TYW1: variants seen among roughly 807,000 people sequenced by gnomAD.
TYW1 encodes tRNA-yW synthesizing protein 1 homolog.
TYW1 carries 46 observed loss-of-function variants against 96.2 expected under a neutral mutation model. The observed-to-expected ratio is 0.48, with a 90% CI of 0.38 to 0.61. The LOEUF is 0.61. Ranked by LOEUF, TYW1 falls within the 20% of genes least tolerant of loss-of-function variation. The probability of loss-of-function intolerance (pLI) is 0.00; values close to 1 mark genes in which losing one functional copy is unlikely to be tolerated. For synonymous variants in TYW1, 274 were observed against 323.0 expected (o/e 0.85, Z 1.63); for missense variants, 684 against 909.6 (o/e 0.75, Z 3.19).
intron 6 of TYW1, among the ~76,000 whole-genome samples, chr7:67,019,292 C>T (rs1397280871): frequency 1.3e-5 from 2 of 152,226 alleles, no homozygotes; most frequent in African/African-American, 4.8e-5. Context: ...AACCCTTCCC[C>T]CAGCTCCCAT....
chr7:67,156,953 G>T (rs906871592), intron 13 of TYW1, among the ~76,000 whole-genome samples: 1 of 151,814 alleles, frequency 6.6e-6, no homozygotes, highest in African/African-American at 2.4e-5. Context: ...GGGCCACTGG[G>T]GACCTCTCAC....
Position 67,050,046 on chromosome 7 carries a change from G to C in TYW1, c.1082G>C (p.Arg361Pro), listed in dbSNP as rs137999897. 4 of 1,613,808 alleles carry C rather than the reference G, an allele frequency of 2.5e-6. No individual in the cohort carries two copies. The highest frequency in any genetic ancestry group is 3.4e-6 in the Non-Finnish European group (4 of 1,179,872). Residue 361 changes from arginine to proline, a missense_variant, in exon 8 of 16, where the codon CGA becomes CCA. Transcript: ENST00000359626. ...AGAGCTATGATAACTCCTGCTCTCC[G>C]AGAAGCCCTTACTAAACAAGGTGAA... Reference protein sequence around the residue: ...ERRAMITPALREALTKQGYQL... With the variant: ...ERRAMITPALPEALTKQGYQL...
At chr7:67,058,207 T>TAA (rs1795588071) in intron 9 of TYW1, among the ~76,000 whole-genome samples, 2 of 152,240 alleles carry the variant, frequency 1.3e-5, no homozygotes, top group South Asian at 4.1e-4. Context: ...GTGCTGAGGT[T>TAA]ACAGGCGTAG....
intron 2 of TYW1, 120 bp downstream of exon 2, chr7:66,998,315 T>C: frequency 2.3e-6 from 3 of 1,303,964 alleles, no homozygotes; most frequent in Non-Finnish European, 3.1e-6. Flanking sequence ...TTTAATGAAA[T>C]GCCTAAAATA....
At chr7:67,085,605 T>C (rs1796524519) in intron 11 of TYW1, among the ~76,000 whole-genome samples, 1 of 152,200 alleles carries the variant, frequency 6.6e-6, no homozygotes, top group African/African-American at 2.4e-5. Flanking sequence ...TACTTATTTC[T>C]CATTTTTATG....
intron 2 of TYW1, among the ~76,000 whole-genome samples, chr7:66,998,585 G>A (rs1793272551): frequency 6.6e-6 from 1 of 152,084 alleles, no homozygotes; most frequent in South Asian, 2.1e-4. Context: ...GTTTTTTCTT[G>A]GAGGGAAAGG....
At chr7:67,077,053 C>G (rs1351579728) in intron 10 of TYW1, among the ~76,000 whole-genome samples, 1 of 152,134 alleles carries the variant, frequency 6.6e-6, no homozygotes, top group African/African-American at 2.4e-5. Flanking sequence ...GGATTACAGG[C>G]GTGACCCACT....
At chr7:67,052,859 C>A (rs1486248539) in intron 8 of TYW1, among the ~76,000 whole-genome samples, 2 of 152,054 alleles carry the variant, frequency 1.3e-5, no homozygotes, top group Admixed American at 1.3e-4. Context: ...AAGTGATTCA[C>A]CTGCCTCAGC....
intron 13 of TYW1, among the ~76,000 whole-genome samples, chr7:67,175,328 T>C (rs4618581): frequency 0.28 from 42,753 of 151,990 alleles, 6,531 homozygotes; most frequent in African/African-American, 0.4. Flanking sequence ...TGTGCCATCA[T>C]GCCCAGCTAA....
At chr7:67,156,943 G>C (rs1269687140) in intron 13 of TYW1, among the ~76,000 whole-genome samples, 6 of 151,738 alleles carry the variant, frequency 4.0e-5, no homozygotes, top group Non-Finnish European at 8.8e-5. Context: ...GTGGGGATGT[G>C]GGCCACTGGG....
intron 6 of TYW1, among the ~76,000 whole-genome samples, chr7:67,022,241 T>C (rs897067681): frequency 2.6e-5 from 4 of 152,174 alleles, no homozygotes; most frequent in African/African-American, 9.7e-5. Flanking sequence ...AATAAAAGTT[T>C]TGGAAGCATA....
At chr7:67,153,988 C>T (rs572980621) in intron 13 of TYW1, among the ~76,000 whole-genome samples, 20 of 143,362 alleles carry the variant, frequency 1.4e-4, no homozygotes, top group Non-Finnish European at 2.5e-4. Flanking sequence ...AGCGCAGTGG[C>T]GTGACCTTAG....
chr7:67,066,886 C>T (rs1795883624), intron 9 of TYW1, among the ~76,000 whole-genome samples: 1 of 152,196 alleles, frequency 6.6e-6, no homozygotes, highest in African/African-American at 2.4e-5. Flanking sequence ...GATGCATTCC[C>T]TTACCCATCC....
rs1395427170 is a variant in TYW1 at position 67,083,602 on chromosome 7, G to A, written c.1384+63G>A. The A allele has an allele frequency of 2.0e-6, 3 of 1,533,888 alleles. No homozygotes were observed. In the East Asian group the frequency reaches 6.9e-5, roughly 35 times the overall value. On this transcript the variant is annotated intron_variant, in intron 11 of 15. Coordinates refer to ENST00000359626, the MANE Select transcript of TYW1 (RefSeq NM_018264.4). The stretch of plus-strand genomic sequence containing the variant: ...GTTAATAGTCTGAATCAGATTGGCA[G>A]AAGAATTGCCTCTTTGGTAGGATTT...
chr7:67,140,801 T>C (rs1798426840), intron 13 of TYW1, among the ~76,000 whole-genome samples: 1 of 152,226 alleles, frequency 6.6e-6, no homozygotes, highest in African/African-American at 2.4e-5. Flanking sequence ...TACAAGATTA[T>C]TCATTGTGAC....
chr7:67,067,212 A>C, intron 9 of TYW1, 73 bp from the exon 10 acceptor site: 1 of 1,480,068 alleles, frequency 6.8e-7, no homozygotes, highest in Non-Finnish European at 9.4e-7. Flanking sequence ...TTTCTCTTAA[A>C]AATGATGCCT....
intron 13 of TYW1, among the ~76,000 whole-genome samples, chr7:67,131,278 A>G (rs1221167637): frequency 6.6e-6 from 1 of 152,136 alleles, no homozygotes; most frequent in Non-Finnish European, 1.5e-5. Flanking sequence ...TAGAAACATT[A>G]CAGTAGGTAA....
intron 13 of TYW1, among the ~76,000 whole-genome samples, chr7:67,152,365 A>G (rs771237880): frequency 5.5e-4 from 83 of 152,132 alleles, no homozygotes; most frequent in Non-Finnish European, 1.0e-3. Context: ...ATGCAGTGCT[A>G]TTTCACCTTG....
chr7:67,153,233 A>C (rs1364363415), intron 13 of TYW1, among the ~76,000 whole-genome samples: 5 of 152,180 alleles, frequency 3.3e-5, no homozygotes, highest in African/African-American at 7.2e-5. Context: ...AGGTGGGCAG[A>C]TCACTTGAGG....
Sources: allele counts gnomAD v4.1 joint callset (sites outside exome capture counted in the v4.1 genomes callset), GRCh38; gene constraint gnomAD v4.1.1; transcripts MANE v1.5; gene names NCBI Gene and HGNC (gene_info 2026-07-23, HGNC 2026-07-21).